The following LPP variants were observed in gnomAD, a reference collection of about 807,000 sequenced individuals.
LPP encodes the protein lipoma-preferred partner.
In LPP, 38 loss-of-function variants were observed where a neutral mutation model predicts 60.4. The ratio of observed to expected loss-of-function variants is 0.63; its 90% CI spans 0.49 to 0.83. The LOEUF (loss-of-function observed/expected upper bound fraction) is 0.83, where lower values mean the gene tolerates loss of function less well. LPP is among the 40% of genes least tolerant of loss of function. The pLI is 0.00. For missense variants in LPP, 902 were observed against 783.6 expected (o/e 1.15, Z -1.80); for synonymous variants, 328 against 290.8 (o/e 1.13, Z -1.30).
At chr3:188,288,252 C>G (rs1744648349) in intron 2 of LPP, among the ~76,000 whole-genome samples, 2 of 152,204 alleles carry the variant, frequency 1.3e-5, no homozygotes, top group African/African-American at 4.8e-5. Context: ...ATAGATTCCA[C>G]TTGTGAGCGA....
chr3:188,827,543 G>A (rs1028888166), intron 9 of LPP, among the ~76,000 whole-genome samples: 3 of 152,174 alleles, frequency 2.0e-5, no homozygotes, highest in African/African-American at 4.8e-5. Flanking sequence ...AATGACTGGA[G>A]TTCAAACTGG....
At chr3:188,448,423 GATAA>G (rs376231645) in intron 4 of LPP, among the ~76,000 whole-genome samples, 3 of 89,632 alleles carry the variant, frequency 3.3e-5, no homozygotes, top group East Asian at 3.5e-4. Context: ...TCTATATTTA[GATAA>G]AGATATCTAT....
At chr3:188,815,545 A>G (rs1752228708) in intron 9 of LPP, among the ~76,000 whole-genome samples, 1 of 139,272 alleles carries the variant, frequency 7.2e-6, no homozygotes, top group African/African-American at 3.0e-5. Flanking sequence ...GAAAAAAAAG[A>G]AAAAAAAAAA....
intron 1 of LPP, among the ~76,000 whole-genome samples, chr3:188,218,274 A>C (rs1466627140): frequency 6.6e-6 from 1 of 152,204 alleles, no homozygotes; most frequent in East Asian, 1.9e-4. Context: ...TCCTTTTAAC[A>C]GGCTGGGCTT....
chr3:188,407,735 A>G (rs1269435578), intron 4 of LPP, among the ~76,000 whole-genome samples: 1 of 149,610 alleles, frequency 6.7e-6, no homozygotes, highest in Non-Finnish European at 1.5e-5. Context: ...TCATAGGGAC[A>G]GGAGGAGCCA....
intron 9 of LPP, among the ~76,000 whole-genome samples, chr3:188,837,344 A>G (rs1374542354): frequency 6.6e-6 from 1 of 151,006 alleles, no homozygotes; most frequent in Non-Finnish European, 1.5e-5. Flanking sequence ...GCGCCACTGG[A>G]CTCCATCCTG....
chr3:188,449,194 C>A (rs1341503071), intron 4 of LPP, among the ~76,000 whole-genome samples: 1 of 152,168 alleles, frequency 6.6e-6, no homozygotes, highest in Non-Finnish European at 1.5e-5. Context: ...CTTATGTATA[C>A]CAGATCCACT....
intron 7 of LPP, among the ~76,000 whole-genome samples, chr3:188,701,190 T>C (rs1176365458): frequency 1.3e-5 from 2 of 152,196 alleles, no homozygotes; most frequent in Non-Finnish European, 2.9e-5. Flanking sequence ...TATTCATGTG[T>C]ACATTTTGTT....
intron 2 of LPP, among the ~76,000 whole-genome samples, chr3:188,272,675 C>G (rs1738223192): frequency 6.6e-6 from 1 of 152,100 alleles, no homozygotes; most frequent in Non-Finnish European, 1.5e-5. Flanking sequence ...GTGATAGACT[C>G]TACAAATAGT....
intron 2 of LPP, among the ~76,000 whole-genome samples, chr3:188,281,601 C>CAAAAAAAA (rs1167297915): frequency 4.5e-5 from 3 of 66,514 alleles, no homozygotes; most frequent in Admixed American, 2.0e-4. Flanking sequence ...AAGACTCTAC[C>CAAAAAAAA]AAAAAAAAAA....
intron 6 of LPP, among the ~76,000 whole-genome samples, chr3:188,601,804 C>T (rs372889232): frequency 6.6e-6 from 1 of 151,982 alleles, no homozygotes; most frequent in African/African-American, 2.4e-5. Flanking sequence ...TGTGGTGGCT[C>T]ACGCCTGTAA....
intron 6 of LPP, among the ~76,000 whole-genome samples, chr3:188,583,032 G>C (rs1301030563): frequency 6.6e-6 from 1 of 152,142 alleles, no homozygotes; most frequent in Non-Finnish European, 1.5e-5. Context: ...TAAAATGCAA[G>C]TCTGACTGTA....
At chr3:188,314,607 G>A (rs1754485463) in intron 2 of LPP, among the ~76,000 whole-genome samples, 2 of 151,728 alleles carry the variant, frequency 1.3e-5, no homozygotes, top group Admixed American at 1.3e-4. Context: ...CTGTGTGTGT[G>A]TGTGTGTGAT....
chr3:188,222,682 C>T (rs1379696884), intron 1 of LPP, among the ~76,000 whole-genome samples: 3 of 152,012 alleles, frequency 2.0e-5, no homozygotes, highest in African/African-American at 7.3e-5. Flanking sequence ...TAATTCAGGG[C>T]CAGATAGAAC....
chr3:188,743,771 G>A (rs570967843), intron 8 of LPP: 16 of 152,048 alleles, frequency 1.1e-4, no homozygotes, highest in Non-Finnish European at 2.4e-4. Context: ...AAATTTAGAA[G>A]AGAAGACAAG....
intron 4 of LPP, among the ~76,000 whole-genome samples, chr3:188,435,958 C>T (rs1346842370): frequency 2.0e-5 from 3 of 152,156 alleles, no homozygotes; most frequent in Non-Finnish European, 2.9e-5. Flanking sequence ...TGCCATAGAT[C>T]GCTTCTAAAG....
At chr3:188,648,922 CCT>C (rs1851584489) in intron 7 of LPP, among the ~76,000 whole-genome samples, 1 of 152,146 alleles carries the variant, frequency 6.6e-6, no homozygotes, top group African/African-American at 2.4e-5. Flanking sequence ...ATTTTTTCTT[CCT>C]CTCTAAAAAG....
At chr3:188,827,420 C>G (rs991318304) in intron 9 of LPP, among the ~76,000 whole-genome samples, 15 of 152,158 alleles carry the variant, frequency 9.9e-5, no homozygotes, top group Non-Finnish European at 2.2e-4. Context: ...AAAGTAACAG[C>G]AACTTTAGAG....
intron 1 of LPP, among the ~76,000 whole-genome samples, chr3:188,201,799 G>A (rs536916019): frequency 6.2e-4 from 94 of 152,222 alleles, no homozygotes; most frequent in Middle Eastern, 6.8e-3. Flanking sequence ...TGGGGCCAGG[G>A]AAGTTAGACG....
Sources: gnomAD v4.1 joint callset for allele counts (sites outside exome capture counted in the v4.1 genomes callset) on GRCh38, gnomAD v4.1.1 for gene constraint, MANE v1.5 for transcripts, NCBI Gene and HGNC (gene_info 2026-07-23, HGNC 2026-07-21) for gene names.